The following FRMPD4 variants were observed in gnomAD, a reference collection of about 807,000 sequenced individuals.
FRMPD4 encodes the protein FERM and PDZ domain-containing protein 4.
In FRMPD4, 22 loss-of-function variants were observed where a neutral mutation model predicts 94.1. That is an observed-to-expected ratio of 0.23 (90% CI 0.17 to 0.33). The LOEUF is 0.33. FRMPD4 is among the 10% of genes least tolerant of loss of function. The pLI, the probability that FRMPD4 is intolerant of heterozygous loss-of-function variation, is 1.00. For synonymous variants in FRMPD4, 631 were observed against 548.6 expected, an observed-to-expected ratio of 1.15 and a Z score of -2.10; for missense variants, 1,111 against 1,339.9, an observed-to-expected ratio of 0.83 and a Z score of 2.67.
chrX:12,439,507 C>G (rs2057110275), intron 1 of FRMPD4, among the ~76,000 whole-genome samples: 1 of 111,811 alleles, frequency 8.9e-6, no homozygotes, highest in African/African-American at 3.3e-5. Flanking sequence ...CTAACCTCCA[C>G]TCTTTACTAT....
intron 1 of FRMPD4, among the ~76,000 whole-genome samples, chrX:11,847,967 G>A (rs1441234972): frequency 6.7e-5 from 7 of 103,983 alleles, no homozygotes; most frequent in Non-Finnish European, 1.4e-4. Flanking sequence ...CACCAGCATG[G>A]CACATGTAGA....
At chrX:12,536,748 A>G (rs1034484625) in intron 2 of FRMPD4, among the ~76,000 whole-genome samples, 2 of 111,647 alleles carry the variant, frequency 1.8e-5, no homozygotes, top group African/African-American at 6.5e-5. Context: ...GGTTATAACT[A>G]AAAAATCATT....
At chrX:12,243,577 T>A (rs1266986244) in intron 1 of FRMPD4, among the ~76,000 whole-genome samples, 2 of 110,943 alleles carry the variant, frequency 1.8e-5, no homozygotes, top group Non-Finnish European at 3.8e-5. Flanking sequence ...ATAAGATTGC[T>A]TTTATTCACA....
intron 2 of FRMPD4, among the ~76,000 whole-genome samples, chrX:12,536,368 C>T (rs1472319053): frequency 9.2e-6 from 1 of 109,179 alleles, no homozygotes; most frequent in Non-Finnish European, 1.9e-5. Flanking sequence ...AAAAAAAAGT[C>T]TACTTGATTA....
chrX:12,338,454 A>G (rs1375703983), intron 1 of FRMPD4, among the ~76,000 whole-genome samples: 2 of 112,538 alleles, frequency 1.8e-5, no homozygotes, highest in Admixed American at 9.4e-5. Context: ...TTGAGCACCT[A>G]TGTGTCAATC....
chrX:12,331,215 C>T (rs1056680298), intron 1 of FRMPD4, among the ~76,000 whole-genome samples: 13 of 99,845 alleles, frequency 1.3e-4, no homozygotes, highest in Non-Finnish European at 5.9e-5. Flanking sequence ...AGAGTGTTTT[C>T]GGGATTTCGT....
At chrX:12,156,435 G>GCATT (rs1287189156) in intron 1 of FRMPD4, among the ~76,000 whole-genome samples, 1 of 111,554 alleles carries the variant, frequency 9.0e-6, no homozygotes, top group East Asian at 2.8e-4. Context: ...GAGAGGATTT[G>GCATT]CTGAATTGAT....
At chrX:12,114,587 T>G (rs1437523039) in intron 3 of FRMPD4, among the ~76,000 whole-genome samples, 1 of 112,307 alleles carries the variant, frequency 8.9e-6, no homozygotes, top group Non-Finnish European at 1.9e-5. Flanking sequence ...TATCAGGCCA[T>G]TTTGACTTTT....
chrX:12,317,868 C>T (rs1485803592), intron 1 of FRMPD4, among the ~76,000 whole-genome samples: 2 of 111,589 alleles, frequency 1.8e-5, no homozygotes, highest in Non-Finnish European at 3.8e-5. Context: ...TGGGAATGTA[C>T]GGTCACTGTG....
rs780164814 is a variant in FRMPD4, at chrX:12,557,147, G to A, written c.159-52574G>A. ...TAATATGCATGGGGAGAACCACAGA[G>A]TGATTACCCCAACCCTCCAATGGGG... On this transcript the variant is annotated intron_variant, in intron 2 of 16. Coordinates refer to ENST00000675598, the MANE Select transcript of FRMPD4 (RefSeq NM_001368397.1). Among the ~76,000 whole-genome samples the A allele has an allele frequency of 8.0e-5, 9 of 111,934 alleles. No individual in the cohort carries two copies. The South Asian group carries it at 3.5e-3, about 43-fold the overall frequency.
At chrX:12,284,750 C>T (rs766926122) in intron 1 of FRMPD4, among the ~76,000 whole-genome samples, 136 of 111,852 alleles carry the variant, frequency 1.2e-3, no homozygotes, top group African/African-American at 3.4e-3. Context: ...CATTTTGTCT[C>T]GCTGAATTTC....
At chrX:12,713,282 T>A (rs2042020042) in intron 14 of FRMPD4, among the ~76,000 whole-genome samples, 1 of 111,539 alleles carries the variant, frequency 9.0e-6, no homozygotes. Flanking sequence ...ATTCTAAACA[T>A]GCTTACAGTA....
At chrX:12,368,050 T>C (rs921259097) in intron 1 of FRMPD4, among the ~76,000 whole-genome samples, 1 of 111,615 alleles carries the variant, frequency 9.0e-6, no homozygotes, top group African/African-American at 3.3e-5. Context: ...TGACCATACA[T>C]TGCCAATCCA....
rs2054828991 is a variant in FRMPD4, at chrX:12,053,316, G to C, written c.95+175298G>C. On this transcript the variant is annotated intron_variant, in intron 3 of 18. Coordinates refer to the FRMPD4 transcript ENST00000640291. ...ATCGTATCAGTGTATTCCAGCCTGG[G>C]TGACAGAAAAAAAGAAAGAAAGAAA... 4.0e-5 allele frequency among the ~76,000 whole-genome samples: 4 copies of C among 99,532 alleles called. No individual in the cohort carries two copies. In the South Asian group the frequency reaches 1.4e-3, roughly 36 times the overall value. The allele number at this position is 99,532 out of a possible 115,157, so 86.4% of individuals were successfully genotyped here.
Position 12,701,829 on chromosome X carries a change from GGCCTATTC to G in FRMPD4, c.934-44_934-37del, listed in dbSNP as rs765638907. 7 of 1,192,874 alleles carry G rather than the reference GGCCTATTC, an allele frequency of 5.9e-6. No homozygotes were observed. The East Asian group carries it at 2.1e-4, about 36-fold the overall frequency. On this transcript the variant is annotated intron_variant, in intron 9 of 16. Coordinates refer to ENST00000675598, the MANE Select transcript of FRMPD4 (RefSeq NM_001368397.1). ...CCTGTTCTGTAAGTCCACGCGCTGC[GGCCTATTC>G]TTTGACAAGCTGTGCCCCCTGCTGG...
chrX:11,857,428 T>C (rs989943445), intron 1 of FRMPD4, among the ~76,000 whole-genome samples: 19 of 112,193 alleles, frequency 1.7e-4, no homozygotes, highest in African/African-American at 5.5e-4. Context: ...AACTATCTGA[T>C]CTTTGACAAA....
intron 4 of FRMPD4, among the ~76,000 whole-genome samples, chrX:12,623,199 AAAGAAAGGAAGGAAGGAAGG>A (rs2059312912): frequency 1.1e-4 from 1 of 8,990 alleles, no homozygotes; most frequent in African/African-American, 2.4e-4. Flanking sequence ...AGAAAGAAAG[AAAGAAAGGAAGGAAGGAAGG>A]AAGGAAGGAA....
chrX:11,992,058 A>G (rs1164345180), intron 3 of FRMPD4, among the ~76,000 whole-genome samples: 2 of 111,474 alleles, frequency 1.8e-5, no homozygotes, highest in Non-Finnish European at 3.8e-5. Flanking sequence ...AATGATTTAG[A>G]AGATCTGCTC....
intron 3 of FRMPD4, among the ~76,000 whole-genome samples, chrX:12,069,887 G>T (rs1303564815): frequency 9.0e-6 from 1 of 111,366 alleles, no homozygotes; most frequent in African/African-American, 3.3e-5. Flanking sequence ...AGTCACTGGT[G>T]ACCTTGTATG....
Sources: allele counts gnomAD v4.1 joint callset (sites outside exome capture counted in the v4.1 genomes callset), GRCh38; gene constraint gnomAD v4.1.1; transcripts MANE v1.5; gene names NCBI Gene and HGNC (gene_info 2026-07-23, HGNC 2026-07-21).